The following TAF4B variants were observed in gnomAD, a reference collection of about 807,000 sequenced individuals.
TAF4B encodes the protein transcription initiation factor TFIID subunit 4B.
Under a neutral mutation model 86.4 loss-of-function variants are expected in TAF4B, and 38 were observed. That is an observed-to-expected ratio of 0.44 (90% CI 0.34 to 0.58). The LOEUF (loss-of-function observed/expected upper bound fraction) is 0.58, where lower values mean the gene tolerates loss of function less well. Among genes scored for constraint, TAF4B ranks in the 20% least tolerant of loss-of-function variants. The pLI, the probability that TAF4B is intolerant of heterozygous loss-of-function variation, is 0.02. For missense variants in TAF4B, 988 were observed against 1,027.6 expected, an observed-to-expected ratio of 0.96 and a Z score of 0.53; for synonymous variants, 388 against 391.2, an observed-to-expected ratio of 0.99 and a Z score of 0.10.
rs2056518287 is a variant in TAF4B at position 26,286,087 on chromosome 18, T to G, written c.1178T>G (p.Val393Gly). 5.0e-6 allele frequency: 8 copies of G among 1,614,104 alleles called. No homozygotes were observed. Among genetic ancestry groups the G allele is most frequent in the African/African-American group, 1.3e-5 (1 of 74,938 alleles). The change falls in exon 7 of 15, where the codon GTG becomes GGG. Residue 393 changes from valine (V) to glycine (G), a missense_variant. Coordinates refer to ENST00000269142, the MANE Select transcript of TAF4B (RefSeq NM_005640.3). ...SGATAPRTVS[V>G]QTLNPLAGPV... ...GCAACAGCACCCAGAACTGTGTCAG[T>G]GCAAACTTTGAACCCACTTGCTGGT...
intron 14 of TAF4B, among the ~76,000 whole-genome samples, chr18:26,373,056 T>A (rs2057417613): frequency 6.6e-6 from 1 of 152,096 alleles, no homozygotes; most frequent in Non-Finnish European, 1.5e-5. Context: ...TGTAGGGGCC[T>A]ACTATCTTGG....
chr18:26,251,601 C>T (rs1358884465), intron 1 of TAF4B, among the ~76,000 whole-genome samples: 1 of 152,132 alleles, frequency 6.6e-6, no homozygotes, highest in Non-Finnish European at 1.5e-5. Context: ...TGCTATGTAA[C>T]CTAATATATG....
chr18:26,293,386 C>T (rs1568133457), intron 8 of TAF4B, 40 bp from the exon 9 acceptor site: 2 of 1,452,650 alleles, frequency 1.4e-6, no homozygotes, highest in South Asian at 1.2e-5. Context: ...GGTGTGATTG[C>T]TTTTTTTGTA....
At chr18:26,255,030 A>G (rs931317533) in intron 1 of TAF4B, among the ~76,000 whole-genome samples, 4 of 152,124 alleles carry the variant, frequency 2.6e-5, no homozygotes, top group African/African-American at 9.7e-5. Flanking sequence ...CAAACTTACT[A>G]TCATGAGGGA....
At position 26,319,431 on chromosome 18, in the gene TAF4B, C is replaced by T. The variant is rs141222986; in HGVS notation, c.2003-1639C>T. On this transcript the variant is annotated intron_variant, in intron 10 of 14. Coordinates refer to ENST00000269142, the MANE Select transcript of TAF4B (RefSeq NM_005640.3). ...AGGAATGTTGCTTGAACCTGGGAGG[C>T]AAAGGTTGCAGTGAGTGGAGATTGC... Among the ~76,000 whole-genome samples the T allele has an allele frequency of 2.2e-4, 33 of 149,384 alleles. No individual in the cohort carries two copies. In the East Asian group the frequency reaches 4.4e-3, roughly 20 times the overall value.
intron 3 of TAF4B, among the ~76,000 whole-genome samples, chr18:26,268,340 CAA>C (rs959819413): frequency 4.6e-5 from 7 of 152,176 alleles, no homozygotes; most frequent in African/African-American, 1.2e-4. Flanking sequence ...TTTGGGGAAA[CAA>C]AGAGGAGGCT....
At chr18:26,380,772 A>G (rs2057472860) in intron 14 of TAF4B, among the ~76,000 whole-genome samples, 1 of 151,888 alleles carries the variant, frequency 6.6e-6, no homozygotes, top group Non-Finnish European at 1.5e-5. Context: ...CAGGTCTCTT[A>G]TAAATAACAT....
chr18:26,281,200 T>C (rs545013155), intron 5 of TAF4B, among the ~76,000 whole-genome samples: 7 of 152,272 alleles, frequency 4.6e-5, no homozygotes, highest in African/African-American at 1.4e-4. Flanking sequence ...CTGTGCTCAC[T>C]ACCTGGGTGA....
intron 12 of TAF4B, among the ~76,000 whole-genome samples, chr18:26,329,823 G>T (rs1458989537): frequency 6.6e-6 from 1 of 151,740 alleles, no homozygotes; most frequent in Admixed American, 6.6e-5. Context: ...TTATTTTTTT[G>T]AGACAGGGTC....
chr18:26,304,680 C>G, intron 9 of TAF4B: 4 of 977,664 alleles, frequency 4.1e-6, no homozygotes, highest in Non-Finnish European at 4.9e-6. Context: ...TAATCAAGAA[C>G]TAGTGCTAGC....
intron 5 of TAF4B, among the ~76,000 whole-genome samples, chr18:26,280,043 CAAAAAA>C (rs34693562): frequency 1.4e-5 from 2 of 144,694 alleles, no homozygotes; most frequent in Admixed American, 1.4e-4. Flanking sequence ...GACTCTATCT[CAAAAAA>C]AAAAAAAAGT....
chr18:26,308,642 G>A (rs1051825475), intron 9 of TAF4B, among the ~76,000 whole-genome samples: 2 of 152,102 alleles, frequency 1.3e-5, no homozygotes. Flanking sequence ...GGAGGCCGAG[G>A]TGGGCGGATC....
intron 1 of TAF4B, among the ~76,000 whole-genome samples, chr18:26,230,818 G>A (rs2055653788): frequency 1.3e-5 from 2 of 152,126 alleles, no homozygotes; most frequent in South Asian, 4.1e-4. Context: ...GTGCACGAAG[G>A]CGCTCAAGTA....
At chr18:26,293,095 C>T (rs906224911) in intron 8 of TAF4B, among the ~76,000 whole-genome samples, 10 of 152,022 alleles carry the variant, frequency 6.6e-5, no homozygotes, top group African/African-American at 2.4e-4. Context: ...ATCAGTCTTA[C>T]CAATGTCAGG....
At chr18:26,373,295 T>C (rs1478210816) in intron 14 of TAF4B, among the ~76,000 whole-genome samples, 1 of 152,168 alleles carries the variant, frequency 6.6e-6, no homozygotes, top group Non-Finnish European at 1.5e-5. Context: ...TTAGTTTTAG[T>C]GTGTGGAATC....
chr18:26,334,783 A>G (rs1255393377), intron 12 of TAF4B, among the ~76,000 whole-genome samples: 1 of 152,164 alleles, frequency 6.6e-6, no homozygotes, highest in Non-Finnish European at 1.5e-5. Context: ...GTTTTCCCAA[A>G]TGGCTTCACC....
At chr18:26,245,207 A>AG (rs2055904321) in intron 1 of TAF4B, among the ~76,000 whole-genome samples, 1 of 152,144 alleles carries the variant, frequency 6.6e-6, no homozygotes, top group Non-Finnish European at 1.5e-5. Context: ...AGCAAGCAAA[A>AG]GGGGTCCGAT....
chr18:26,242,850 G>GT (rs1325740654), intron 1 of TAF4B, among the ~76,000 whole-genome samples: 1 of 152,038 alleles, frequency 6.6e-6, no homozygotes, highest in Admixed American at 6.6e-5. Context: ...ATGAAGCTTA[G>GT]TTTGGCTGGA....
At chr18:26,248,811 G>A (rs1041497558) in intron 1 of TAF4B, among the ~76,000 whole-genome samples, 41 of 110,162 alleles carry the variant, frequency 3.7e-4, no homozygotes, top group African/African-American at 1.4e-3. Flanking sequence ...AGGCGTGAGC[G>A]ACTGCACCTG....
Sources: allele counts gnomAD v4.1 joint callset (sites outside exome capture counted in the v4.1 genomes callset), GRCh38; gene constraint gnomAD v4.1.1; transcripts MANE v1.5; gene names NCBI Gene and HGNC (gene_info 2026-07-23, HGNC 2026-07-21).